Variants in EYS observed in about 807,000 individuals in gnomAD.
EYS encodes the protein protein eyes shut homolog.
A neutral mutation model predicts 282.1 loss-of-function variants in EYS; 250 were observed. The ratio of observed to expected loss-of-function variants is 0.89; its 90% CI spans 0.80 to 0.98. The LOEUF (loss-of-function observed/expected upper bound fraction) is 0.98. EYS is among the 50% of genes least tolerant of loss of function. EYS has a pLI of 0.00. For missense variants in EYS, 4,016 were observed against 3,709.0 expected, an observed-to-expected ratio of 1.08 and a Z score of -2.15; for synonymous variants, 1,355 against 1,282.9, an observed-to-expected ratio of 1.06 and a Z score of -1.20.
chr6:64,397,800 C>A (rs1303490582), intron 28 of EYS, among the ~76,000 whole-genome samples: 1 of 151,944 alleles, frequency 6.6e-6, no homozygotes, highest in Non-Finnish European at 1.5e-5. Flanking sequence ...TTAACTTTCT[C>A]TGTGCTTTAT....
chr6:65,702,805 G>A (rs1387801), intron 1 of EYS, among the ~76,000 whole-genome samples: 121,564 of 152,090 alleles, frequency 0.8, 48,809 homozygotes, highest in East Asian at 0.85. Flanking sequence ...CTGTGTGTGC[G>A]TGTGTGCATA....
At chr6:63,930,195 A>G (rs1265781465) in intron 35 of EYS, among the ~76,000 whole-genome samples, 3 of 152,204 alleles carry the variant, frequency 2.0e-5, no homozygotes, top group Non-Finnish European at 4.4e-5. Context: ...TATTCAGTCC[A>G]CAGTGTATAT....
At chr6:65,581,299 T>G (rs542941002) in intron 2 of EYS, among the ~76,000 whole-genome samples, 1 of 152,184 alleles carries the variant, frequency 6.6e-6, no homozygotes, top group South Asian at 2.1e-4. Context: ...TATAAAGTGA[T>G]ATGGAGGAGA....
At chr6:64,940,751 A>C (rs564411435) in intron 15 of EYS, among the ~76,000 whole-genome samples, 1 of 151,898 alleles carries the variant, frequency 6.6e-6, no homozygotes, top group Non-Finnish European at 1.5e-5. Context: ...GCTATTGTGG[A>C]ATTCAATTTA....
chr6:65,435,415 A>G (rs539152051), intron 5 of EYS, among the ~76,000 whole-genome samples: 18 of 144,702 alleles, frequency 1.2e-4, no homozygotes, highest in Non-Finnish European at 2.3e-4. Context: ...ATACAAATAC[A>G]TATTATTTAA....
chr6:64,863,496 T>C (rs1766314867), intron 19 of EYS, among the ~76,000 whole-genome samples: 2 of 152,216 alleles, frequency 1.3e-5, no homozygotes, highest in South Asian at 4.1e-4. Context: ...TTATGCTGAA[T>C]AGTAAAGATA....
At chr6:65,120,160 A>AAAAC (rs1419750785) in intron 12 of EYS, among the ~76,000 whole-genome samples, 1,632 of 149,814 alleles carry the variant, frequency 0.011, 114 homozygotes, top group African/African-American at 0.038. Flanking sequence ...TCAAAAAAAA[A>AAAAC]AAAAAACAAA....
chr6:65,459,946 T>A (rs1213790797), intron 5 of EYS, among the ~76,000 whole-genome samples: 2 of 132,072 alleles, frequency 1.5e-5, no homozygotes, highest in African/African-American at 2.7e-5. Context: ...CTGGTGCGTG[T>A]GTGTGTGTGT....
rs1334439690 is a variant in EYS at position 64,248,299 on chromosome 6, TG to T, written c.6192-17476del. On this transcript the variant is annotated intron_variant, in intron 30 of 42. Transcript: ENST00000503581. ...ATTTAAGGCAAAGTGAAGTCATCAA[TG>T]TCTCTTAAGCAGGAAATTAGTAATT... Among the ~76,000 whole-genome samples the T allele has an allele frequency of 5.3e-5, 8 of 152,132 alleles. No individual in the cohort carries two copies. In the South Asian group the frequency reaches 1.7e-3, roughly 32 times the overall value.
chr6:65,279,854 A>G (rs11962234), intron 12 of EYS, among the ~76,000 whole-genome samples: 29,772 of 152,050 alleles, frequency 0.2, 3,505 homozygotes, highest in Middle Eastern at 0.27. Context: ...TTCTTTTCCC[A>G]ACATGATTTC....
chr6:65,138,141 T>A (rs1452584895), intron 12 of EYS, among the ~76,000 whole-genome samples: 2 of 152,082 alleles, frequency 1.3e-5, no homozygotes, highest in African/African-American at 4.8e-5. Flanking sequence ...TGAAAGAGAC[T>A]TTTTCAATGA....
intron 12 of EYS, among the ~76,000 whole-genome samples, chr6:65,071,263 C>G (rs538378220): frequency 1.3e-5 from 2 of 151,922 alleles, no homozygotes; most frequent in African/African-American, 4.8e-5. Flanking sequence ...TAAATCCACT[C>G]TAGAGAGCAA....
chr6:64,950,804 T>TATATATAG (rs1769468984), intron 14 of EYS, among the ~76,000 whole-genome samples: 1 of 84,214 alleles, frequency 1.2e-5, no homozygotes, highest in Non-Finnish European at 2.4e-5. Flanking sequence ...TATACATATA[T>TATATATAG]ATATATATAT....
chr6:64,756,765 T>C (rs1384563775), intron 22 of EYS, among the ~76,000 whole-genome samples: 1 of 152,216 alleles, frequency 6.6e-6, no homozygotes, highest in Non-Finnish European at 1.5e-5. Context: ...TGTCTTGTTT[T>C]GAATCATAAG....
At chr6:65,006,869 G>A (rs1771683110) in intron 13 of EYS, among the ~76,000 whole-genome samples, 1 of 152,190 alleles carries the variant, frequency 6.6e-6, no homozygotes, top group African/African-American at 2.4e-5. Flanking sequence ...AGTACTTACA[G>A]AATCAAAAGA....
intron 30 of EYS, among the ~76,000 whole-genome samples, chr6:64,237,218 A>C (rs1002553547): frequency 1.3e-5 from 2 of 152,078 alleles, no homozygotes; most frequent in Non-Finnish European, 2.9e-5. Context: ...AATAATTCCC[A>C]CCTCCACTTA....
At chr6:64,897,892 G>T (rs562028258) in intron 18 of EYS, among the ~76,000 whole-genome samples, 1 of 152,144 alleles carries the variant, frequency 6.6e-6, no homozygotes, top group Non-Finnish European at 1.5e-5. Flanking sequence ...AAAGCAAGAA[G>T]ACAAGATTAG....
chr6:64,801,542 G>A (rs1399076071), intron 22 of EYS, among the ~76,000 whole-genome samples: 3 of 119,140 alleles, frequency 2.5e-5, no homozygotes, highest in Non-Finnish European at 6.1e-5. Context: ...ATATACTCTG[G>A]GTTGATGATA....
intron 29 of EYS, among the ~76,000 whole-genome samples, chr6:64,371,374 G>T (rs1772365600): frequency 6.6e-6 from 1 of 150,404 alleles, no homozygotes. Context: ...TATTCTGAGA[G>T]CATGGTTGGA....
Sources: gnomAD v4.1 joint callset for allele counts (sites outside exome capture counted in the v4.1 genomes callset) on GRCh38, gnomAD v4.1.1 for gene constraint, MANE v1.5 for transcripts, NCBI Gene and HGNC (gene_info 2026-07-23, HGNC 2026-07-21) for gene names.